Variants in PDHX observed in about 807,000 individuals in gnomAD.
PDHX encodes the protein pyruvate dehydrogenase protein X component, mitochondrial.
In PDHX, 33 loss-of-function variants were observed where a neutral mutation model predicts 55.3. That is an observed-to-expected ratio of 0.60 (90% CI 0.45 to 0.80). The LOEUF is 0.80. Among genes scored for constraint, PDHX ranks in the 30% least tolerant of loss-of-function variants. The pLI is 0.00. For synonymous variants in PDHX, 226 were observed against 219.4 expected (o/e 1.03, Z -0.27); for missense variants, 622 against 619.9 (o/e 1.00, Z -0.04).
chr11:34,951,562 ATTTG>A (rs1284583405), intron 3 of PDHX, among the ~76,000 whole-genome samples: 2 of 151,842 alleles, frequency 1.3e-5, no homozygotes, highest in East Asian at 1.9e-4. Context: ...TTTCTTGTAA[ATTTG>A]TTTGAGTTCA....
intron 8 of PDHX, among the ~76,000 whole-genome samples, chr11:34,981,653 C>T (rs1418535991): frequency 6.6e-6 from 1 of 152,108 alleles, no homozygotes; most frequent in Non-Finnish European, 1.5e-5. Flanking sequence ...CACATCCTCT[C>T]CAGCACCTGT....
intron 9 of PDHX, among the ~76,000 whole-genome samples, chr11:34,987,983 T>C (rs1855686455): frequency 6.6e-6 from 1 of 152,188 alleles, no homozygotes; most frequent in South Asian, 2.1e-4. Context: ...TATGGAATAG[T>C]AGTGCCATTT....
intron 2 of PDHX, among the ~76,000 whole-genome samples, chr11:34,940,047 AG>A (rs1410069799): frequency 3.3e-5 from 5 of 152,244 alleles, no homozygotes; most frequent in Non-Finnish European, 7.3e-5. Context: ...TTAAAATAAC[AG>A]AAAGGAAAAA....
intron 1 of PDHX, among the ~76,000 whole-genome samples, chr11:34,919,757 C>T (rs1000255829): frequency 2.0e-5 from 3 of 152,192 alleles, no homozygotes; most frequent in Non-Finnish European, 2.9e-5. Flanking sequence ...TTTTTTACCA[C>T]TTACATTATT....
chr11:34,953,808 C>A (rs1430473191), intron 3 of PDHX, among the ~76,000 whole-genome samples: 1 of 152,184 alleles, frequency 6.6e-6, no homozygotes, highest in African/African-American at 2.4e-5. Flanking sequence ...TTAATTTTCT[C>A]ATCTATAAAT....
intron 1 of PDHX, among the ~76,000 whole-genome samples, chr11:34,922,145 G>T (rs1224375840): frequency 1.3e-5 from 2 of 152,196 alleles, no homozygotes; most frequent in African/African-American, 2.4e-5. Context: ...CCAGAATTGG[G>T]TCGTATGCCC....
intron 2 of PDHX, among the ~76,000 whole-genome samples, chr11:34,934,980 G>A (rs1472341460): frequency 6.6e-6 from 1 of 151,694 alleles, no homozygotes; most frequent in Non-Finnish European, 1.5e-5. Flanking sequence ...AAATACTTAC[G>A]AATAAAATGA....
chr11:34,917,550 G>A (rs1302274269), intron 1 of PDHX, among the ~76,000 whole-genome samples: 1 of 152,124 alleles, frequency 6.6e-6, no homozygotes, highest in African/African-American at 2.4e-5. Flanking sequence ...GAGGGAGGCG[G>A]GGATGGAGAA....
chr11:34,931,535 TG>T (rs768010728), intron 2 of PDHX, 51 bp downstream of exon 2: 3 of 963,896 alleles, frequency 3.1e-6, no homozygotes, highest in Admixed American at 2.2e-5. Flanking sequence ...TTGGTTATTT[TG>T]TTTTGTTTTT....
In PDHX at chr11:34,916,719, G is replaced by A. The variant is rs976844155; in HGVS notation, c.64G>A (p.Gly22Ser). ...GCTGCGTTATCTTGTGGGCTTCCCCGGCCGCCGAAGCGTAGGGCTGGTGAA... is the reference window on the plus strand; with the variant it reads ...GCTGCGTTATCTTGTGGGCTTCCCCAGCCGCCGAAGCGTAGGGCTGGTGAA... ...RLLRYLVGFP[G>S]RRSVGLVKGA... Residue 22 changes from glycine to serine, a missense_variant, in exon 1 of 11, where the codon GGC (glycine) becomes AGC (serine). Transcript: ENST00000227868. 3.7e-6 allele frequency: 6 copies of A among 1,613,346 alleles called. No individual in the cohort carries two copies. The highest frequency in any genetic ancestry group is 1.1e-5 in the South Asian group (1 of 91,040).
chr11:34,960,232 C>T (rs1348357977), intron 4 of PDHX, among the ~76,000 whole-genome samples, 188 bp from the exon 5 acceptor site: 5 of 151,942 alleles, frequency 3.3e-5, no homozygotes, highest in East Asian at 1.9e-4. Context: ...TAAATTTTTA[C>T]GAAAGTGTTT....
intron 2 of PDHX, among the ~76,000 whole-genome samples, chr11:34,936,244 C>G (rs1424490978): frequency 6.6e-6 from 1 of 152,114 alleles, no homozygotes; most frequent in African/African-American, 2.4e-5. Context: ...TGAGGTTATC[C>G]AAATGAACAT....
At chr11:34,955,930 T>C (rs1303954380) in intron 3 of PDHX, among the ~76,000 whole-genome samples, 1 of 152,160 alleles carries the variant, frequency 6.6e-6, no homozygotes, top group African/African-American at 2.4e-5. Flanking sequence ...CAGTGCTTTT[T>C]TGTATACATT....
chr11:34,994,697 ATTTAC>A (rs1855821486), intron 10 of PDHX, among the ~76,000 whole-genome samples: 1 of 152,224 alleles, frequency 6.6e-6, no homozygotes, highest in Non-Finnish European at 1.5e-5. Flanking sequence ...ACTTAACTAA[ATTTAC>A]TTATTAATTT....
intron 1 of PDHX, among the ~76,000 whole-genome samples, chr11:34,929,193 T>C (rs1195090819): frequency 6.6e-6 from 1 of 152,204 alleles, no homozygotes; most frequent in Non-Finnish European, 1.5e-5. Flanking sequence ...TAACCTGTTC[T>C]CTTATGCATT....
At chr11:34,916,302 C>A, upstream of PDHX, 1 of 1,611,014 alleles carries the variant, frequency 6.2e-7, no homozygotes. Context: ...ACCAGGGACC[C>A]GCGCGGCCTC....
intron 2 of PDHX, among the ~76,000 whole-genome samples, chr11:34,942,258 C>A (rs963322900): frequency 3.9e-5 from 6 of 152,072 alleles, no homozygotes; most frequent in South Asian, 2.1e-4. Context: ...TGGAAAAAAA[C>A]CGTATCTTGA....
At chr11:34,953,091 A>G (rs1290470761) in intron 3 of PDHX, among the ~76,000 whole-genome samples, 1 of 152,174 alleles carries the variant, frequency 6.6e-6, no homozygotes, top group African/African-American at 2.4e-5. Flanking sequence ...CCCATTCACA[A>G]TTGCTTCAAA....
At chr11:34,965,874 A>G (rs982841299) in intron 5 of PDHX, among the ~76,000 whole-genome samples, 5 of 152,206 alleles carry the variant, frequency 3.3e-5, no homozygotes, top group Non-Finnish European at 7.3e-5. Context: ...AATACTTTCC[A>G]AAATACTTAT....
Sources: allele counts gnomAD v4.1 joint callset (sites outside exome capture counted in the v4.1 genomes callset), GRCh38; gene constraint gnomAD v4.1.1; transcripts MANE v1.5; gene names NCBI Gene and HGNC (gene_info 2026-07-23, HGNC 2026-07-21).